CDH19: variants seen among roughly 807,000 people sequenced by gnomAD.
The protein encoded by CDH19 is cadherin-19.
CDH19 carries 67 observed loss-of-function variants against 64.2 expected under a neutral mutation model. The ratio of observed to expected loss-of-function variants is 1.04; its 90% CI spans 0.86 to 1.28. The LOEUF (loss-of-function observed/expected upper bound fraction) is 1.28. Ranked by LOEUF, CDH19 falls within the 50% of genes most tolerant of loss-of-function variation. The probability of loss-of-function intolerance (pLI) is 0.00; values close to 1 mark genes in which losing one functional copy is unlikely to be tolerated. For synonymous variants in CDH19, 346 were observed against 319.3 expected, an observed-to-expected ratio of 1.08 and a Z score of -0.89; for missense variants, 1,030 against 929.0, an observed-to-expected ratio of 1.11 and a Z score of -1.41.
intron 9 of CDH19, among the ~76,000 whole-genome samples, chr18:66,523,202 G>A (rs138506817): frequency 6.6e-6 from 1 of 152,260 alleles, no homozygotes; most frequent in African/African-American, 2.4e-5. Flanking sequence ...CAGGAAATGT[G>A]AAAGGCCTGG....
chr18:66,532,996 A>AT (rs1986515109), intron 8 of CDH19, among the ~76,000 whole-genome samples: 1 of 151,996 alleles, frequency 6.6e-6, no homozygotes. Context: ...ATTTCTTTCC[A>AT]TTTTGGCAAT....
At chr18:66,570,335 C>T (rs893835302) in intron 2 of CDH19, among the ~76,000 whole-genome samples, 4 of 151,540 alleles carry the variant, frequency 2.6e-5, no homozygotes, top group Admixed American at 1.3e-4. Context: ...AACGAAAAAG[C>T]TTACTTGAAC....
intron 3 of CDH19, among the ~76,000 whole-genome samples, chr18:66,566,286 T>C (rs1219332266): frequency 6.6e-6 from 1 of 151,642 alleles, no homozygotes; most frequent in Non-Finnish European, 1.5e-5. Context: ...CTTTCTTTTT[T>C]TTTTTTTTTT....
At chr18:66,508,914 A>C in intron 11 of CDH19, 81 bp downstream of exon 11, 1 of 1,376,512 alleles carries the variant, frequency 7.3e-7, no homozygotes, top group Non-Finnish European at 1.0e-6. Flanking sequence ...TTTTAAATAA[A>C]TGAGTATATG....
chr18:66,576,027 C>T (rs902909406), intron 1 of CDH19, among the ~76,000 whole-genome samples: 1 of 150,784 alleles, frequency 6.6e-6, no homozygotes, highest in Non-Finnish European at 1.5e-5. Context: ...TATAATAAAC[C>T]TAAAGCAACT....
chr18:66,542,902 C>G (rs537612135), intron 7 of CDH19, among the ~76,000 whole-genome samples: 3 of 152,176 alleles, frequency 2.0e-5, no homozygotes, highest in South Asian at 4.1e-4. Context: ...CCTTCACCCC[C>G]CCGACCTTGG....
chr18:66,535,727 A>T (rs1986638804), intron 7 of CDH19, among the ~76,000 whole-genome samples: 1 of 147,082 alleles, frequency 6.8e-6, no homozygotes, highest in Admixed American at 6.9e-5. Flanking sequence ...GTAATATTTA[A>T]TACATATATG....
rs147875911 is a variant in CDH19 at position 66,584,750 on chromosome 18, CT to C, written c.-112-12435del. Among the ~76,000 whole-genome samples the C allele has an allele frequency of 2.2e-3, 334 of 152,112 alleles. 1 individual carries two copies. The highest frequency in any genetic ancestry group is 7.3e-3 in the African/African-American group (305 of 41,530). On this transcript the variant is annotated intron_variant, in intron 1 of 11. Transcript: ENST00000262150. ...AACTTAACCATCACATGAACACAGG[CT>C]ATTTCTTATTACTTTCCTGTGTGTT...
chr18:66,582,167 A>T (rs1227181459), intron 1 of CDH19, among the ~76,000 whole-genome samples: 1 of 152,128 alleles, frequency 6.6e-6, no homozygotes, highest in Non-Finnish European at 1.5e-5. Flanking sequence ...TCAAATGACA[A>T]AATATATGTT....
intron 3 of CDH19, among the ~76,000 whole-genome samples, chr18:66,562,702 T>C (rs960864866): frequency 6.6e-6 from 1 of 152,150 alleles, no homozygotes; most frequent in Non-Finnish European, 1.5e-5. Flanking sequence ...TTCATTTTTA[T>C]GACAGAAAAT....
chr18:66,528,847 G>C (rs1252292203), intron 9 of CDH19, among the ~76,000 whole-genome samples: 1 of 151,106 alleles, frequency 6.6e-6, no homozygotes, highest in Non-Finnish European at 1.5e-5. Context: ...GACTAGCTTT[G>C]TTGATAAATT....
chr18:66,559,036 C>T (rs1212926674), intron 3 of CDH19, among the ~76,000 whole-genome samples: 2 of 151,964 alleles, frequency 1.3e-5, no homozygotes, highest in Admixed American at 6.6e-5. Context: ...AAATGCGGCT[C>T]CCATCCCCGG....
At chr18:66,537,676 A>C (rs1986728097) in intron 7 of CDH19, among the ~76,000 whole-genome samples, 1 of 152,100 alleles carries the variant, frequency 6.6e-6, no homozygotes, top group African/African-American at 2.4e-5. Flanking sequence ...AAGATGCTCC[A>C]GGATGATCTT....
chr18:66,537,026 A>G (rs1986700592), intron 7 of CDH19, among the ~76,000 whole-genome samples: 1 of 151,914 alleles, frequency 6.6e-6, no homozygotes, highest in African/African-American at 2.4e-5. Flanking sequence ...AAATGTTGCA[A>G]AAACAGCACA....
chr18:66,538,357 T>A (rs975570333), intron 7 of CDH19, among the ~76,000 whole-genome samples: 5 of 152,060 alleles, frequency 3.3e-5, no homozygotes, highest in African/African-American at 1.2e-4. Context: ...TAATTAGTAT[T>A]TTCATCTATA....
rs140991671 is a variant in CDH19, at chr18:66,538,624, C to T, written c.1215-3517G>A. On this transcript the variant is annotated intron_variant, in intron 7 of 11. Coordinates refer to ENST00000262150, the MANE Select transcript of CDH19 (RefSeq NM_021153.4). ...ACAGGTTTTCATGTCAAAATAAATA[C>T]ACTTTCTAGGCCTGCTGCAACAAAA... 2.4e-3 allele frequency among the ~76,000 whole-genome samples: 362 copies of T among 152,148 alleles called. 5 individuals are homozygous for T. The South Asian group carries it at 0.026, about 11-fold the overall frequency.
At chr18:66,523,290 G>T (rs940563153) in intron 9 of CDH19, among the ~76,000 whole-genome samples, 1 of 152,110 alleles carries the variant, frequency 6.6e-6, no homozygotes, top group Admixed American at 6.5e-5. Context: ...AGAATTCTAA[G>T]CTATAATATC....
intron 9 of CDH19, among the ~76,000 whole-genome samples, chr18:66,515,017 A>G (rs1009765996): frequency 6.6e-6 from 1 of 151,854 alleles, no homozygotes; most frequent in East Asian, 1.9e-4. Flanking sequence ...ATTATAAACT[A>G]TAGATTGAAT....
chr18:66,530,151 T>C (rs565986635), intron 8 of CDH19, among the ~76,000 whole-genome samples, 185 bp from the exon 9 acceptor site: 1 of 152,190 alleles, frequency 6.6e-6, no homozygotes, highest in East Asian at 1.9e-4. Context: ...AAAAATTCCA[T>C]GCTCAATATA....
Sources: gnomAD v4.1 joint callset for allele counts (sites outside exome capture counted in the v4.1 genomes callset) on GRCh38, gnomAD v4.1.1 for gene constraint, MANE v1.5 for transcripts, NCBI Gene and HGNC (gene_info 2026-07-23, HGNC 2026-07-21) for gene names.